UBA2: variants seen among roughly 807,000 people sequenced by gnomAD.
UBA2 encodes ubiquitin like modifier activating enzyme 2.
In UBA2, 11 loss-of-function variants were observed where a neutral mutation model predicts 77.2. That is an observed-to-expected ratio of 0.14 (90% CI 0.09 to 0.24). UBA2 has a LOEUF of 0.24. Ranked by LOEUF, UBA2 falls within the 10% of genes least tolerant of loss-of-function variation. The pLI is 1.00. For synonymous variants in UBA2, 278 were observed against 276.7 expected (o/e 1.00, Z -0.05); for missense variants, 487 against 781.7 (o/e 0.62, Z 4.50).
chr19:34,441,070 A>G (rs1201138639), intron 6 of UBA2, among the ~76,000 whole-genome samples: 3 of 152,192 alleles, frequency 2.0e-5, no homozygotes, highest in African/African-American at 4.8e-5. Context: ...GAAATTAAAG[A>G]TAAACTATAT....
intron 13 of UBA2, 68 bp downstream of exon 13, chr19:34,458,992 T>A: frequency 1.4e-6 from 2 of 1,440,226 alleles, no homozygotes; most frequent in Non-Finnish European, 1.9e-6. Context: ...AAACAAACAC[T>A]AGCTGCTGAT....
Position 34,438,712 on chromosome 19 carries a change from G to A in UBA2, c.527G>A (p.Arg176His). The A allele has an allele frequency of 6.2e-7, 1 of 1,614,030 alleles. No individual in the cohort carries two copies. The highest frequency in any genetic ancestry group is 8.5e-7 in the Non-Finnish European group (1 of 1,180,010). Reference sequence around the variant, plus strand: ...AGAACCTTTCCTGGCTGTACAATTCGTAACACACCTTCAGAACCTATACAT... The same window carrying A: ...AGAACCTTTCCTGGCTGTACAATTCATAACACACCTTCAGAACCTATACAT... ...TQRTFPGCTI[R>H]NTPSEPIHCI... Residue 176 changes from arginine to histidine, a missense_variant, in exon 6 of 17, where the codon CGT (arginine) becomes CAT (histidine). Coordinates refer to ENST00000246548, the MANE Select transcript of UBA2 (RefSeq NM_005499.3).
intron 6 of UBA2, among the ~76,000 whole-genome samples, chr19:34,440,402 A>T (rs1209225056): frequency 1.3e-5 from 2 of 152,190 alleles, no homozygotes; most frequent in Non-Finnish European, 2.9e-5. Flanking sequence ...TAAATAATGC[A>T]CCGAACCTAT....
At position 34,468,976 on chromosome 19, in the gene UBA2, C is replaced by G. The variant is rs535018971; in HGVS notation, c.1742-64C>G. The G allele has an allele frequency of 3.4e-5, 47 of 1,364,850 alleles. 1 individual carries two copies. In the South Asian group the frequency reaches 7.2e-4, roughly 21 times the overall value. 84.5% of individuals were successfully genotyped at this position (1,364,850 alleles called of 1,614,324 possible). On this transcript the variant is annotated intron_variant, in intron 16 of 16. Coordinates refer to ENST00000246548, the MANE Select transcript of UBA2 (RefSeq NM_005499.3). ...AGTCAGCTTTCAATTATAGAAAATA[C>G]AGGTGAGCACAGGTAACTCCCACGC...
chr19:34,436,864 C>T (rs2075314321), intron 5 of UBA2, among the ~76,000 whole-genome samples: 1 of 152,180 alleles, frequency 6.6e-6, no homozygotes, highest in African/African-American at 2.4e-5. Flanking sequence ...TACCATTCTA[C>T]AAAAGACTGT....
intron 5 of UBA2, among the ~76,000 whole-genome samples, chr19:34,437,830 G>A (rs917655251): frequency 2.6e-5 from 4 of 152,132 alleles, no homozygotes; most frequent in Non-Finnish European, 4.4e-5. Context: ...CAAGGCGGGC[G>A]AATCACATGA....
intron 1 of UBA2, 77 bp downstream of exon 1, chr19:34,428,647 G>A: frequency 8.1e-7 from 1 of 1,231,648 alleles, no homozygotes; most frequent in Non-Finnish European, 1.0e-6. Flanking sequence ...GGGCTCCAGG[G>A]GCTCTGAGGC....
At chr19:34,449,662 A>C (rs1188733925) in intron 8 of UBA2, among the ~76,000 whole-genome samples, 1 of 152,190 alleles carries the variant, frequency 6.6e-6, no homozygotes, top group Non-Finnish European at 1.5e-5. Flanking sequence ...TAGTTTCTCA[A>C]TCTACTTGTA....
At chr19:34,460,345 A>G in intron 13 of UBA2, 125 bp from the exon 14 acceptor site, 1 of 673,260 alleles carries the variant, frequency 1.5e-6, no homozygotes. Context: ...GGGATCTTGA[A>G]GAGTGACTTC....
chr19:34,467,305 T>G (rs1204405658), intron 16 of UBA2, among the ~76,000 whole-genome samples: 3 of 150,948 alleles, frequency 2.0e-5, no homozygotes, highest in African/African-American at 7.3e-5. Context: ...CCCCCATCTC[T>G]ACAAAGAAAA....
At chr19:34,433,728 G>T (rs1168563879) in intron 4 of UBA2, among the ~76,000 whole-genome samples, 1 of 152,194 alleles carries the variant, frequency 6.6e-6, no homozygotes, top group Non-Finnish European at 1.5e-5. Context: ...GAGAGACCAA[G>T]GCAGGAGGAT....
At chr19:34,435,892 G>A (rs1210671446) in intron 5 of UBA2, among the ~76,000 whole-genome samples, 3 of 151,466 alleles carry the variant, frequency 2.0e-5, no homozygotes, top group Admixed American at 6.6e-5. Flanking sequence ...AACCCGAAGC[G>A]AGCGGATCAC....
chr19:34,468,860 G>A (rs2145575764), intron 16 of UBA2, among the ~76,000 whole-genome samples, 180 bp from the exon 17 acceptor site: 1 of 152,216 alleles, frequency 6.6e-6, no homozygotes, highest in Non-Finnish European at 1.5e-5. Flanking sequence ...AAAATAAATA[G>A]GTTCTTATAT....
intron 6 of UBA2, among the ~76,000 whole-genome samples, chr19:34,442,608 T>A (rs973176548): frequency 6.6e-6 from 1 of 152,214 alleles, no homozygotes; most frequent in South Asian, 2.1e-4. Flanking sequence ...ATATTTGTAT[T>A]TTAGTAGATA....
chr19:34,445,103 A>T lies in UBA2; in HGVS notation c.753A>T (p.Pro251=). The T allele has an allele frequency of 6.2e-7, 1 of 1,611,366 alleles. No homozygotes were observed. The highest frequency in any genetic ancestry group is 1.7e-4 in the Middle Eastern group (1 of 6,050). ...KEWAKSTGYD[P]VKLFTKLFKD... is the part of the protein sequence containing the mutation. ...GGGCTAAATCAACTGGATATGATCCAGTTAAACTTTTTACCAAGGTTAGAT... is the reference window on the plus strand; with the variant it reads ...GGGCTAAATCAACTGGATATGATCCTGTTAAACTTTTTACCAAGGTTAGAT... Residue 251 remains proline (P), a synonymous_variant, in exon 8 of 17, where the codon CCA becomes CCT. Coordinates refer to ENST00000246548, the MANE Select transcript of UBA2 (RefSeq NM_005499.3).
At chr19:34,435,677 A>G (rs1045390323) in intron 5 of UBA2, among the ~76,000 whole-genome samples, 1 of 152,038 alleles carries the variant, frequency 6.6e-6, no homozygotes, top group Non-Finnish European at 1.5e-5. Context: ...AAAAAATACA[A>G]AAATTAGCTG....
chr19:34,460,590 T>C (rs1356392795), intron 14 of UBA2, 24 bp downstream of exon 14: 2 of 1,517,908 alleles, frequency 1.3e-6, no homozygotes, highest in South Asian at 2.4e-5. Flanking sequence ...TATTTATTCA[T>C]TCCTCTCATT....
intron 9 of UBA2, 115 bp downstream of exon 9, chr19:34,450,479 C>T: frequency 1.6e-6 from 1 of 623,602 alleles, no homozygotes; most frequent in Non-Finnish European, 2.6e-6. Flanking sequence ...TCAAACAGTG[C>T]AAAAAAATAT....
intron 5 of UBA2, among the ~76,000 whole-genome samples, chr19:34,436,206 T>C (rs974899694): frequency 2.0e-5 from 3 of 152,180 alleles, no homozygotes; most frequent in Non-Finnish European, 2.9e-5. Flanking sequence ...AGGGGTGTAT[T>C]TGTGAAGTAC....
Sources: gnomAD v4.1 joint callset for allele counts (sites outside exome capture counted in the v4.1 genomes callset) on GRCh38, gnomAD v4.1.1 for gene constraint, MANE v1.5 for transcripts, NCBI Gene and HGNC (gene_info 2026-07-23, HGNC 2026-07-21) for gene names.